The following ADAMTS2 variants were observed in gnomAD, a reference collection of about 807,000 sequenced individuals.
ADAMTS2 encodes the protein A disintegrin and metalloproteinase with thrombospondin motifs 2.
Under a neutral mutation model 123.0 loss-of-function variants are expected in ADAMTS2, and 50 were observed. The ratio of observed to expected loss-of-function variants is 0.41; its 90% CI spans 0.32 to 0.51. ADAMTS2 has a LOEUF of 0.51. Ranked by LOEUF, ADAMTS2 falls within the 20% of genes least tolerant of loss-of-function variation. The pLI is 0.35. For synonymous variants in ADAMTS2, 678 were observed against 695.4 expected (o/e 0.98, Z 0.39); for missense variants, 1,494 against 1,705.2 (o/e 0.88, Z 2.18).
rs79503581 is a variant in ADAMTS2 at position 179,314,757 on chromosome 5, C to A, written c.534+29010G>T. Among the ~76,000 whole-genome samples, 1 of 152,130 alleles carries A rather than the reference C, an allele frequency of 6.6e-6. No individual in the cohort carries two copies. Among genetic ancestry groups the A allele is most frequent in the Admixed American group, 6.5e-5 (1 of 15,278 alleles). ...GCACCCAGGTGGGGCTCCTGTCCCC[C>A]GCCAGTGCCCCCAACCTCTACTCCA... On this transcript the variant is annotated intron_variant, in intron 2 of 21. Transcript: ENST00000251582. This position sits in a 1 kb window ranked among gnomAD's most constrained non-coding sequence, Gnocchi z 4.5.
At chr5:179,237,329 T>C (rs1333953723) in intron 3 of ADAMTS2, among the ~76,000 whole-genome samples, 2 of 152,180 alleles carry the variant, frequency 1.3e-5, no homozygotes, top group African/African-American at 4.8e-5. Context: ...CTCTTGCCCC[T>C]TGCAATGCAT....
chr5:179,267,532 T>C (rs1766407450), intron 3 of ADAMTS2, among the ~76,000 whole-genome samples: 1 of 152,196 alleles, frequency 6.6e-6, no homozygotes. Flanking sequence ...AGCAGCCTGG[T>C]AGCAGTTCCC....
chr5:179,205,312 G>A (rs1764653889), intron 4 of ADAMTS2, among the ~76,000 whole-genome samples: 1 of 152,196 alleles, frequency 6.6e-6, no homozygotes, highest in African/African-American at 2.4e-5. Context: ...ACTAAACAGT[G>A]CCACTGTCAT....
At chr5:179,199,807 A>G (rs1326299688) in intron 4 of ADAMTS2, among the ~76,000 whole-genome samples, 1 of 152,200 alleles carries the variant, frequency 6.6e-6, no homozygotes, top group African/African-American at 2.4e-5. Context: ...CATTTGTTTA[A>G]TTTCAGTGAC....
In ADAMTS2 at chr5:179,308,389, G is replaced by A. The variant is rs905437330; in HGVS notation, c.535-35325C>T. Among the ~76,000 whole-genome samples, 1 of 152,158 alleles carries A rather than the reference G, an allele frequency of 6.6e-6. No homozygotes were observed. The highest frequency in any genetic ancestry group is 1.5e-5 in the Non-Finnish European group (1 of 68,028). On this transcript the variant is annotated intron_variant, in intron 2 of 21. Coordinates refer to ENST00000251582, the MANE Select transcript of ADAMTS2 (RefSeq NM_014244.5). This position sits in a 1 kb window ranked among gnomAD's most constrained non-coding sequence, Gnocchi z 6.6. ...GAGCACTCGAAATGCCAGCTGGAAA[G>A]GTCACGCACGCCAGCTGGAAGGGGA...
At chr5:179,127,354 C>A (rs1762878215) in intron 17 of ADAMTS2, among the ~76,000 whole-genome samples, 1 of 152,148 alleles carries the variant, frequency 6.6e-6, no homozygotes, top group Non-Finnish European at 1.5e-5. Context: ...AGCTCCTTGT[C>A]CTCCAGGTGT....
In ADAMTS2 at chr5:179,126,029, C is replaced by T. The variant is rs199617528; in HGVS notation, c.2719G>A (p.Ala907Thr). 195 of 1,613,470 alleles carry T rather than the reference C, an allele frequency of 1.2e-4. 1 individual carries two copies. The highest frequency in any genetic ancestry group is 1.2e-3 in the Middle Eastern group (7 of 6,062). ...TGGGAGCATTCCTGTGGGTTGCACG[C>T]TCTGCGGATGGCTTTGGGCTTCGAG... ...ALSKPKAIRR[A>T]CNPQECSQPV... is the part of the protein sequence containing the mutation. The change falls in exon 18 of 22, where the codon GCG becomes ACG. Residue 907 changes from alanine (A) to threonine (T), a missense_variant. Physicochemically the swap from Ala to Thr is moderately conservative, Grantham distance 58. This residue lies in a region of ADAMTS2 where 953 missense variants were observed against 1,124.7 expected (regional missense o/e 0.85). Transcript: ENST00000251582.
intron 6 of ADAMTS2, among the ~76,000 whole-genome samples, chr5:179,157,917 T>C (rs1763510383): frequency 6.6e-6 from 1 of 152,192 alleles, no homozygotes; most frequent in Non-Finnish European, 1.5e-5. Context: ...TGAAATGTGC[T>C]ACTATTTATC....
intron 5 of ADAMTS2, among the ~76,000 whole-genome samples, chr5:179,167,941 G>A (rs1180021163): frequency 2.0e-5 from 3 of 152,202 alleles, no homozygotes; most frequent in African/African-American, 7.2e-5. Flanking sequence ...ACCCGCTGGG[G>A]CTGGCTCATG....
At chr5:179,138,377 G>A (rs1484584214) in intron 11 of ADAMTS2, among the ~76,000 whole-genome samples, 3 of 152,210 alleles carry the variant, frequency 2.0e-5, no homozygotes, top group Non-Finnish European at 4.4e-5. Flanking sequence ...TGGGCACCGA[G>A]CCTAGCACAG....
chr5:179,149,759 C>T (rs751170243), intron 10 of ADAMTS2, among the ~76,000 whole-genome samples: 4 of 152,176 alleles, frequency 2.6e-5, no homozygotes, highest in Non-Finnish European at 5.9e-5. Flanking sequence ...GGGAGGAGCC[C>T]GTCTTCCACG....
rs187217796 is a variant in ADAMTS2, at chr5:179,225,709, C to T, written c.689-17994G>A. Among the ~76,000 whole-genome samples the T allele has an allele frequency of 1.4e-4, 22 of 152,302 alleles. No homozygotes were observed. Among genetic ancestry groups the T allele is most frequent in the Admixed American group, 1.2e-3 (19 of 15,304 alleles). ...TCAGAGGAGAGCCCAGGCTGCTTAG[C>T]GGCCCGACTCCAGGGAAAGCCCTTT... is the stretch of plus-strand genomic sequence containing the variant. On this transcript the variant is annotated intron_variant, in intron 3 of 21. Coordinates refer to ENST00000251582, the MANE Select transcript of ADAMTS2 (RefSeq NM_014244.5). This position sits in a 1 kb window ranked among gnomAD's most constrained non-coding sequence, Gnocchi z 4.5.
chr5:179,215,173 G>A (rs1396696276), intron 3 of ADAMTS2, among the ~76,000 whole-genome samples: 3 of 152,344 alleles, frequency 2.0e-5, no homozygotes, highest in East Asian at 3.9e-4. Flanking sequence ...AACAGGCTGG[G>A]TGCAGTGGCT....
chr5:179,240,111 T>C (rs1378166743), intron 3 of ADAMTS2, among the ~76,000 whole-genome samples: 1 of 151,984 alleles, frequency 6.6e-6, no homozygotes, highest in Non-Finnish European at 1.5e-5. Flanking sequence ...CCGTCAGGTG[T>C]GAATGCGGAT....
intron 2 of ADAMTS2, among the ~76,000 whole-genome samples, chr5:179,300,811 AC>A (rs2113559200): frequency 6.6e-6 from 1 of 152,336 alleles, no homozygotes; most frequent in Admixed American, 6.5e-5. Context: ...CATACATACA[AC>A]TTAATTCAGT....
intron 4 of ADAMTS2, among the ~76,000 whole-genome samples, chr5:179,206,058 C>T (rs1457475953): frequency 1.3e-5 from 2 of 152,268 alleles, no homozygotes; most frequent in African/African-American, 2.4e-5. Flanking sequence ...CGCACCCGGC[C>T]GTTATTATGA....
At chr5:179,320,680 T>A (rs1158984960) in intron 2 of ADAMTS2, among the ~76,000 whole-genome samples, 1 of 152,124 alleles carries the variant, frequency 6.6e-6, no homozygotes, top group Non-Finnish European at 1.5e-5. Flanking sequence ...CATCCCTGCG[T>A]CACCAGTGGG....
intron 3 of ADAMTS2, among the ~76,000 whole-genome samples, chr5:179,232,382 G>A (rs924179591): frequency 2.0e-5 from 3 of 152,138 alleles, no homozygotes; most frequent in Admixed American, 6.5e-5. Context: ...CTGATTCTTC[G>A]CAGCAGCTGT....
chr5:179,286,497 C>T (rs1756025230), intron 2 of ADAMTS2, among the ~76,000 whole-genome samples: 1 of 152,112 alleles, frequency 6.6e-6, no homozygotes. Flanking sequence ...CCAACATATG[C>T]TTCCTTACCA....
Sources: gnomAD v4.1 joint callset for allele counts (sites outside exome capture counted in the v4.1 genomes callset) on GRCh38, gnomAD v4.1.1 for gene constraint, gnomAD v4.1.1 regional missense constraint, Gnocchi (gnomAD v3.1) non-coding constraint, MANE v1.5 for transcripts, NCBI Gene and HGNC (gene_info 2026-07-23, HGNC 2026-07-21) for gene names.